The following POLA1 variants were observed in gnomAD, a reference collection of about 807,000 sequenced individuals.
The protein encoded by POLA1 is DNA polymerase alpha catalytic subunit.
A neutral mutation model predicts 124.0 loss-of-function variants in POLA1; 15 were observed. The ratio of observed to expected loss-of-function variants is 0.12; its 90% CI spans 0.08 to 0.19. The LOEUF (loss-of-function observed/expected upper bound fraction) is 0.19. Among genes scored for constraint, POLA1 ranks in the 10% least tolerant of loss-of-function variants. The pLI is 1.00. For synonymous variants in POLA1, 408 were observed against 389.4 expected (o/e 1.05, Z -0.56); for missense variants, 886 against 1,103.4 (o/e 0.80, Z 2.79).
intron 34 of POLA1, among the ~76,000 whole-genome samples, chrX:24,880,261 A>G (rs978448091): frequency 2.8e-4 from 31 of 111,912 alleles, no homozygotes; most frequent in Non-Finnish European, 2.4e-4. Flanking sequence ...ATAAGTTTCA[A>G]ATAACTTGGA....
At chrX:24,797,246 C>T (rs1024284476) in intron 26 of POLA1, among the ~76,000 whole-genome samples, 1 of 110,891 alleles carries the variant, frequency 9.0e-6, no homozygotes, top group African/African-American at 3.3e-5. Context: ...CCTGAACATT[C>T]TAGCCTCAAC....
rs1249700814 is a variant in POLA1 at position 24,943,754 on chromosome X, C to G, written c.4261+13205C>G. Among the ~76,000 whole-genome samples, 15 of 112,618 alleles carry G rather than the reference C, an allele frequency of 1.3e-4. No individual in the cohort carries two copies. The Admixed American group carries it at 1.4e-3, about 11-fold the overall frequency. On this transcript the variant is annotated intron_variant, in intron 36 of 36. Coordinates refer to ENST00000379068, the MANE Select transcript of POLA1 (RefSeq NM_001330360.2). ...TGAATGAAATACAATTTTGAATCAT[C>G]TTTCTTCACTTATTGCTCATTTGCA...
intron 26 of POLA1, among the ~76,000 whole-genome samples, chrX:24,771,244 G>C (rs931929343): frequency 1.8e-5 from 2 of 111,391 alleles, no homozygotes; most frequent in African/African-American, 6.5e-5. Context: ...TCCTAGAACA[G>C]ATTTCTAGGA....
chrX:24,762,969 C>A (rs1932824841), intron 26 of POLA1, among the ~76,000 whole-genome samples: 1 of 111,108 alleles, frequency 9.0e-6, no homozygotes, highest in African/African-American at 3.3e-5. Flanking sequence ...AACTCCTAAC[C>A]TCAAATGATC....
chrX:24,841,388 G>A (rs754682956), intron 32 of POLA1, among the ~76,000 whole-genome samples: 2 of 112,129 alleles, frequency 1.8e-5, no homozygotes, highest in South Asian at 7.4e-4. Context: ...GTAACTTTAA[G>A]AGAATAATAA....
At chrX:24,857,866 C>T (rs62585344) in intron 34 of POLA1, among the ~76,000 whole-genome samples, 1,558 of 110,864 alleles carry the variant, frequency 0.014, 26 homozygotes, top group Admixed American at 0.053. Context: ...TGTGTATATA[C>T]GCCTAGAGAG....
At chrX:24,741,589 T>A in intron 21 of POLA1, 85 bp downstream of exon 21, 1 of 779,385 alleles carries the variant, frequency 1.3e-6, no homozygotes, top group Non-Finnish European at 1.9e-6. Flanking sequence ...ATAATGAGTC[T>A]AAATGCATGC....
chrX:24,763,122 G>A (rs1932827872), intron 26 of POLA1, among the ~76,000 whole-genome samples: 2 of 111,645 alleles, frequency 1.8e-5, no homozygotes, highest in Admixed American at 9.5e-5. Flanking sequence ...GAGTTGGAGG[G>A]GCCAGAGTGG....
chrX:24,983,606 C>T (rs889236508), intron 36 of POLA1, among the ~76,000 whole-genome samples: 3 of 112,338 alleles, frequency 2.7e-5, no homozygotes, highest in African/African-American at 9.7e-5. Flanking sequence ...AGTTCTTTCC[C>T]AGGTATCCTA....
In POLA1 at chrX:24,743,212, C is replaced by A; in HGVS notation, c.2467-18C>A. The stretch of plus-strand genomic sequence containing the variant: ...ATTAGTTGCTGGCTGGTGAAGTTAT[C>A]TTTCCATTTGATATTAGGGAGATGA... On this transcript the variant is annotated intron_variant, in intron 22 of 36. Transcript: ENST00000379068. 1.2e-6 allele frequency: 1 copy of A among 837,146 alleles called. No homozygotes were observed. The highest frequency in any genetic ancestry group is 1.7e-6 in the Non-Finnish European group (1 of 577,279). 69.0% of individuals were successfully genotyped at this position (837,146 alleles called of 1,213,427 possible). A position where few individuals can be genotyped will look rare whatever the true frequency, so the allele number is the denominator to read the frequency against.
At chrX:24,772,070 A>G (rs986551986) in intron 26 of POLA1, among the ~76,000 whole-genome samples, 8 of 112,106 alleles carry the variant, frequency 7.1e-5, no homozygotes, top group African/African-American at 2.6e-4. Flanking sequence ...TGAACCTATC[A>G]TAAACATTTC....
rs764590563 is a variant in POLA1 at position 24,942,395 on chromosome X, A to G, written c.4261+11846A>G. Among the ~76,000 whole-genome samples, 3 of 112,061 alleles carry G rather than the reference A, an allele frequency of 2.7e-5. No homozygotes were observed. In the Admixed American group the frequency reaches 2.8e-4, roughly 11 times the overall value. On this transcript the variant is annotated intron_variant, in intron 36 of 36. Transcript: ENST00000379068. ...AGACAAGTAACTCAAATACAAGGGA[A>G]TGGTATGAATTGCTGAGGGATCTCA... is the stretch of plus-strand genomic sequence containing the variant.
At chrX:24,823,605 T>C (rs1404023255) in intron 31 of POLA1, among the ~76,000 whole-genome samples, 1 of 111,340 alleles carries the variant, frequency 9.0e-6, no homozygotes, top group Non-Finnish European at 1.9e-5. Flanking sequence ...GATTTCACCA[T>C]GTTGACCAAT....
chrX:24,881,064 C>G (rs2046994957), intron 34 of POLA1, among the ~76,000 whole-genome samples: 1 of 111,783 alleles, frequency 8.9e-6, no homozygotes, highest in African/African-American at 3.3e-5. Flanking sequence ...CTCCTCTTCC[C>G]CTGCTGCCTG....
At chrX:24,869,611 G>A (rs1377310371) in intron 34 of POLA1, among the ~76,000 whole-genome samples, 2 of 112,097 alleles carry the variant, frequency 1.8e-5, no homozygotes, top group African/African-American at 6.5e-5. Context: ...AGTTCCCTCA[G>A]TGTAAAATTA....
intron 11 of POLA1, 24 bp downstream of exon 11, chrX:24,723,291 A>G: frequency 2.0e-6 from 2 of 988,586 alleles, no homozygotes; most frequent in Non-Finnish European, 2.9e-6. Context: ...ATTAGCTTTT[A>G]GTTCTCAGTC....
At chrX:24,732,603 T>TG (rs1930993172) in intron 16 of POLA1, 149 bp downstream of exon 16, 6 of 380,999 alleles carry the variant, frequency 1.6e-5, no homozygotes, top group East Asian at 8.3e-5. Flanking sequence ...TTTTTTGTTT[T>TG]TTTTTTTTTT....
intron 4 of POLA1, among the ~76,000 whole-genome samples, chrX:24,710,693 G>A (rs1277908320): frequency 1.1e-5 from 1 of 92,040 alleles, no homozygotes; most frequent in African/African-American, 4.1e-5. Flanking sequence ...TTGAGACAGA[G>A]TCTCGCTCTG....
intron 36 of POLA1, among the ~76,000 whole-genome samples, chrX:24,974,322 AG>A (rs1443202688): frequency 8.9e-6 from 1 of 111,840 alleles, no homozygotes; most frequent in African/African-American, 3.3e-5. Context: ...AAACTTCTAC[AG>A]TGGACACAAG....
Sources: gnomAD v4.1 joint callset for allele counts (sites outside exome capture counted in the v4.1 genomes callset) on GRCh38, gnomAD v4.1.1 for gene constraint, MANE v1.5 for transcripts, NCBI Gene and HGNC (gene_info 2026-07-23, HGNC 2026-07-21) for gene names.